Variants in KCNQ1 observed in about 807,000 individuals in gnomAD.
KCNQ1 encodes potassium voltage-gated channel subfamily KQT member 1.
In KCNQ1, 49 loss-of-function variants were observed where a neutral mutation model predicts 72.4. The observed-to-expected ratio is 0.68, with a 90% CI of 0.54 to 0.86. The LOEUF is 0.86. Among genes scored for constraint, KCNQ1 ranks in the 40% least tolerant of loss-of-function variants. KCNQ1 has a pLI of 0.00. For synonymous variants in KCNQ1, 450 were observed against 412.6 expected (o/e 1.09, Z -1.10); for missense variants, 790 against 945.1 (o/e 0.84, Z 2.15).
chr11:2,835,763 G>A lies in KCNQ1; in HGVS notation c.1795-12004G>A, dbSNP rs539612339. Among the ~76,000 whole-genome samples, 7 of 152,328 alleles carry A rather than the reference G, an allele frequency of 4.6e-5. No homozygotes were observed. The South Asian group carries it at 1.5e-3, about 32-fold the overall frequency. ...GACTTAAGTAATTACTTAAAGGAGG[G>A]AAAGGGTGGCCTGGGGCTCACAGAG... is the stretch of plus-strand genomic sequence containing the variant. On this transcript the variant is annotated intron_variant, in intron 15 of 15. Coordinates refer to ENST00000155840, the MANE Select transcript of KCNQ1 (RefSeq NM_000218.3).
chr11:2,733,042 CTCCACCTGGAGCCAGCCCCTTACCTTCT>C (rs1845880457), intron 11 of KCNQ1, among the ~76,000 whole-genome samples: 1 of 152,168 alleles, frequency 6.6e-6, no homozygotes, highest in Admixed American at 6.5e-5. Flanking sequence ...TGAGCCCATC[CTCCACCTGGAGCCAGCCCCTTACCTTCT>C]GGAGCCTCAG....
At chr11:2,571,569 T>A (rs1352437396) in intron 4 of KCNQ1, among the ~76,000 whole-genome samples, 166 bp downstream of exon 4, 1 of 151,852 alleles carries the variant, frequency 6.6e-6, no homozygotes. Flanking sequence ...TGGAGCAGGG[T>A]GGGTGCAGGC....
chr11:2,626,204 C>G lies in KCNQ1; in HGVS notation c.1394-35757C>G. 2.5e-6 allele frequency: 1 copy of G among 398,496 alleles called. No individual in the cohort carries two copies. Among genetic ancestry groups the G allele is most frequent in the East Asian group, 3.6e-5 (1 of 28,062 alleles). 24.7% of individuals were successfully genotyped at this position (398,496 alleles called of 1,614,324 possible). Reference sequence around the variant, plus strand: ...ACTTCATAGTTTTAGGACTTTGACCCATTTTGAGTAAGTTTTTGTACACAG... The same window carrying G: ...ACTTCATAGTTTTAGGACTTTGACCGATTTTGAGTAAGTTTTTGTACACAG... On this transcript the variant is annotated intron_variant, in intron 10 of 15. Transcript: ENST00000155840. This position sits in a 1 kb window ranked among gnomAD's most constrained non-coding sequence, Gnocchi z 4.0.
chr11:2,816,031 G>A lies in KCNQ1; in HGVS notation c.1795-31736G>A, dbSNP rs1464814634. Among the ~76,000 whole-genome samples, 1 of 152,212 alleles carries A rather than the reference G, an allele frequency of 6.6e-6. No homozygotes were observed. The highest frequency in any genetic ancestry group is 1.5e-5 in the Non-Finnish European group (1 of 68,044). ...AGTGTGCACACAGTCCTGGGTGAGG[G>A]CTCCGTTAGATGAATGTGGACGGCT... On this transcript the variant is annotated intron_variant, in intron 15 of 15. Transcript: ENST00000155840. This position sits in a 1 kb window ranked among gnomAD's most constrained non-coding sequence, Gnocchi z 6.8.
In KCNQ1 at chr11:2,787,447, G is replaced by T. The variant is rs562107046; in HGVS notation, c.1794+9410G>T. The stretch of plus-strand genomic sequence containing the variant: ...CTTCAGGGCCCCTATTACCTCTGGG[G>T]TTCCACTTTCACTGAGTTTTCAGCC... On this transcript the variant is annotated intron_variant, in intron 15 of 15. Coordinates refer to ENST00000155840, the MANE Select transcript of KCNQ1 (RefSeq NM_000218.3). The surrounding 1 kb of genome is among the most constrained non-coding windows in gnomAD (Gnocchi z 6.3). Among the ~76,000 whole-genome samples, 1 of 152,102 alleles carries T rather than the reference G, an allele frequency of 6.6e-6. No individual in the cohort carries two copies. Among genetic ancestry groups the T allele is most frequent in the Non-Finnish European group, 1.5e-5 (1 of 68,020 alleles).
intron 1 of KCNQ1, among the ~76,000 whole-genome samples, chr11:2,469,894 T>A (rs1846416970): frequency 2.6e-5 from 4 of 151,772 alleles, no homozygotes; most frequent in Admixed American, 2.6e-4. Flanking sequence ...TCTCCTGACC[T>A]CGTGATCCGC....
intron 10 of KCNQ1, chr11:2,631,431 T>C: frequency 2.5e-6 from 1 of 398,612 alleles, no homozygotes; most frequent in Non-Finnish European, 4.4e-6. Context: ...TGTTTGTTTT[T>C]TTTTTAGGAT....
At position 2,825,790 on chromosome 11, in the gene KCNQ1, G is replaced by C. The variant is rs956652780; in HGVS notation, c.1795-21977G>C. On this transcript the variant is annotated intron_variant, in intron 15 of 15. Coordinates refer to ENST00000155840, the MANE Select transcript of KCNQ1 (RefSeq NM_000218.3). ...GTCTCCGGGTACTTTGCTCAGTAAC[G>C]GACTGGACCAGCGCGGCCTCCACGC... 1.3e-5 allele frequency among the ~76,000 whole-genome samples: 2 copies of C among 152,152 alleles called. 1 individual carries two copies. The highest frequency in any genetic ancestry group is 4.1e-4 in the South Asian group (2 of 4,832).
At position 2,662,054 on chromosome 11, in the gene KCNQ1, T is replaced by A. The variant is rs1849967991; in HGVS notation, c.1487T>A (p.Leu496Gln). 6.8e-6 allele frequency: 11 copies of A among 1,614,230 alleles called. No individual in the cohort carries two copies. The highest frequency in any genetic ancestry group is 1.6e-4 in the Middle Eastern group (1 of 6,062). ...AEDLDLEGET[L>Q]LTPITHISQL... is the part of the protein sequence containing the mutation. ...GACCTGGACCTGGAAGGGGAGACTCTGCTGACACCCATCACCCACATCTCA... is the reference window on the plus strand; with the variant it reads ...GACCTGGACCTGGAAGGGGAGACTCAGCTGACACCCATCACCCACATCTCA... Residue 496 changes from leucine (L) to glutamine (Q), a missense_variant, in exon 11 of 16, where the codon CTG becomes CAG. Physicochemically the swap from Leu to Gln is moderately radical, Grantham distance 113. This residue lies in a region of KCNQ1 where 178 missense variants were observed against 177.9 expected (regional missense o/e 1.00). Coordinates refer to ENST00000155840, the MANE Select transcript of KCNQ1 (RefSeq NM_000218.3).
chr11:2,696,721 C>T (rs1850682670), intron 11 of KCNQ1: 1 of 398,414 alleles, frequency 2.5e-6, no homozygotes, highest in African/African-American at 2.1e-5. Flanking sequence ...GAAAGATCTC[C>T]CTCTATATCC....
intron 2 of KCNQ1, among the ~76,000 whole-genome samples, chr11:2,560,648 C>T (rs992076273): frequency 6.6e-6 from 1 of 152,030 alleles, no homozygotes; most frequent in Non-Finnish European, 1.5e-5. Flanking sequence ...GCCTCCCCTT[C>T]CACACCCCAA....
Position 2,536,122 on chromosome 11 carries a change from G to A in KCNQ1, c.477+8104G>A, listed in dbSNP as rs1475023260. On this transcript the variant is annotated intron_variant, in intron 2 of 15. Transcript: ENST00000155840. This position sits in a 1 kb window ranked among gnomAD's most constrained non-coding sequence, Gnocchi z 7.4. ...CATGCACAGGCCACGCGGCGACAGG[G>A]GCTGCTGAAGGAAGGCTGGTCCGCT... Among the ~76,000 whole-genome samples the A allele has an allele frequency of 1.3e-5, 2 of 152,200 alleles. No individual in the cohort carries two copies. The highest frequency in any genetic ancestry group is 4.8e-5 in the African/African-American group (2 of 41,458).
rs1416313140 is a variant in KCNQ1 at position 2,547,916 on chromosome 11, G to T, written c.477+19898G>T. 6.6e-6 allele frequency among the ~76,000 whole-genome samples: 1 copy of T among 152,234 alleles called. No homozygotes were observed. The highest frequency in any genetic ancestry group is 1.5e-5 in the Non-Finnish European group (1 of 68,048). ...GTGCCAAGACCCGGATGGGGCGTGTGCCTGGCGCGGGTGGAGGGAGCTGTG... is the reference window on the plus strand; with the variant it reads ...GTGCCAAGACCCGGATGGGGCGTGTTCCTGGCGCGGGTGGAGGGAGCTGTG... On this transcript the variant is annotated intron_variant, in intron 2 of 15. Coordinates refer to ENST00000155840, the MANE Select transcript of KCNQ1 (RefSeq NM_000218.3). This position sits in a 1 kb window ranked among gnomAD's most constrained non-coding sequence, Gnocchi z 4.2.
chr11:2,751,179 G>A (rs544005369), intron 11 of KCNQ1, among the ~76,000 whole-genome samples: 4 of 152,240 alleles, frequency 2.6e-5, no homozygotes, highest in South Asian at 4.1e-4. Context: ...GGCTCCGCTC[G>A]TCCCTCTGAG....
intron 11 of KCNQ1, among the ~76,000 whole-genome samples, chr11:2,753,143 G>T (rs1439504996): frequency 6.6e-6 from 1 of 152,202 alleles, no homozygotes; most frequent in East Asian, 1.9e-4. Flanking sequence ...GCCAGGTTGC[G>T]AGGAGCCTGG....
At position 2,766,378 on chromosome 11, in the gene KCNQ1, T is replaced by G. The variant is rs949658474; in HGVS notation, c.1515-2466T>G. Reference sequence around the variant, plus strand: ...GTTGTCCTCACGTGTCTGGAGCCACTGGGTTGTCAGCCAGGGTCTCTCAGC... The same window carrying G: ...GTTGTCCTCACGTGTCTGGAGCCACGGGGTTGTCAGCCAGGGTCTCTCAGC... On this transcript the variant is annotated intron_variant, in intron 11 of 15. Transcript: ENST00000155840. The surrounding 1 kb of genome is among the most constrained non-coding windows in gnomAD (Gnocchi z 4.4). Among the ~76,000 whole-genome samples the G allele has an allele frequency of 1.3e-5, 2 of 152,222 alleles. No homozygotes were observed. Among genetic ancestry groups the G allele is most frequent in the Admixed American group, 6.5e-5 (1 of 15,286 alleles).
At position 2,571,864 on chromosome 11, in the gene KCNQ1, G is replaced by A. The variant is rs995602113; in HGVS notation, c.684-149G>A. The A allele has an allele frequency of 3.9e-5, 26 of 672,768 alleles. No homozygotes were observed. The African/African-American group carries it at 3.9e-4, about 10-fold the overall frequency. The allele number at this position is 672,768 out of a possible 1,614,324, so 41.7% of individuals were successfully genotyped here. ...AGAGGGAGATTCCCAGGCCCCTGTC[G>A]GGATGGACATATACCCAGCCTCCCC... On this transcript the variant is annotated intron_variant, in intron 4 of 15. Transcript: ENST00000155840.
chr11:2,466,687 G>A (rs1425788300), intron 1 of KCNQ1, among the ~76,000 whole-genome samples: 1 of 152,226 alleles, frequency 6.6e-6, no homozygotes, highest in Non-Finnish European at 1.5e-5. Flanking sequence ...AGATATGCTG[G>A]CCAGCCTTGT....
rs575932729 is a variant in KCNQ1 at position 2,449,335 on chromosome 11, C to T, written c.386+3851C>T. Reference sequence around the variant, plus strand: ...AGGGTCCCTTTTTGCTTGGCAGTTGCGAGGTACTGGAACCTTTGCATATAA... The same window carrying T: ...AGGGTCCCTTTTTGCTTGGCAGTTGTGAGGTACTGGAACCTTTGCATATAA... On this transcript the variant is annotated intron_variant, in intron 1 of 15. Coordinates refer to ENST00000155840, the MANE Select transcript of KCNQ1 (RefSeq NM_000218.3). Among the ~76,000 whole-genome samples the T allele has an allele frequency of 4.6e-5, 7 of 152,302 alleles. No individual in the cohort carries two copies. In the South Asian group the frequency reaches 1.0e-3, roughly 23 times the overall value.
Sources: gnomAD v4.1 joint callset for allele counts (sites outside exome capture counted in the v4.1 genomes callset) on GRCh38, gnomAD v4.1.1 for gene constraint, gnomAD v4.1.1 regional missense constraint, Gnocchi (gnomAD v3.1) non-coding constraint, MANE v1.5 for transcripts, NCBI Gene and HGNC (gene_info 2026-07-23, HGNC 2026-07-21) for gene names.